The following SIPA1L2 variants were observed in gnomAD, a reference collection of about 807,000 sequenced individuals.
The protein encoded by SIPA1L2 is signal-induced proliferation-associated 1-like protein 2.
In SIPA1L2, 56 loss-of-function variants were observed where a neutral mutation model predicts 163.9. The observed-to-expected ratio is 0.34, with a 90% confidence interval of 0.28 to 0.43. SIPA1L2 has a LOEUF of 0.43. SIPA1L2 is among the 20% of genes least tolerant of loss of function. SIPA1L2 has a pLI of 1.00. For missense variants in SIPA1L2, 1,974 were observed against 2,193.5 expected, an observed-to-expected ratio of 0.90 and a Z score of 2.00; for synonymous variants, 877 against 865.7, an observed-to-expected ratio of 1.01 and a Z score of -0.23.
At chr1:232,537,296 G>A (rs1657366535) in intron 2 of SIPA1L2, among the ~76,000 whole-genome samples, 1 of 152,090 alleles carries the variant, frequency 6.6e-6, no homozygotes, top group East Asian at 1.9e-4. Flanking sequence ...CAAGCAATTT[G>A]TAAATACAGA....
At chr1:232,481,534 A>T (rs1400216303) in intron 6 of SIPA1L2, among the ~76,000 whole-genome samples, 1 of 152,194 alleles carries the variant, frequency 6.6e-6, no homozygotes, top group Non-Finnish European at 1.5e-5. Flanking sequence ...CTAAAAGAGG[A>T]ATTTCTAAAA....
chr1:232,500,720 C>T (rs753711176), intron 3 of SIPA1L2, among the ~76,000 whole-genome samples: 13 of 152,156 alleles, frequency 8.5e-5, no homozygotes, highest in African/African-American at 1.2e-4. Context: ...ATGCTGTGAA[C>T]GTTGTTGAAA....
chr1:232,479,675 C>A lies in SIPA1L2; in HGVS notation c.2037G>T (p.Met679Ile). 6.2e-7 allele frequency: 1 copy of A among 1,613,774 alleles called. No homozygotes were observed. The highest frequency in any genetic ancestry group is 8.5e-7 in the Non-Finnish European group (1 of 1,179,800). The change falls in exon 7 of 23, where the codon ATG (methionine) becomes ATT (isoleucine). Residue 679 changes from methionine (M) to isoleucine (I), a missense_variant. Physicochemically the swap from Met to Ile is conservative, Grantham distance 10. Around this residue, in one of 3 missense-constraint regions of SIPA1L2, gnomAD observed 288 missense variants for 418.9 expected, o/e 0.69. Transcript: ENST00000674635. ...LYTTYKDYEL[M>I]FHVSTLLPYM... Reference sequence around the variant, plus strand: ...AGGGAAGCAGGGTTGACACGTGGAACATGAGTTCGTAGTCTTTGTATGTGG... The same window carrying A: ...AGGGAAGCAGGGTTGACACGTGGAAAATGAGTTCGTAGTCTTTGTATGTGG...
intron 2 of SIPA1L2, among the ~76,000 whole-genome samples, chr1:232,548,292 G>GT (rs1658163613): frequency 6.6e-6 from 1 of 152,138 alleles, no homozygotes; most frequent in Non-Finnish European, 1.5e-5. Context: ...TGCAGGCTTG[G>GT]TATGATAAGC....
chr1:232,482,792 G>C (rs1665429907), intron 6 of SIPA1L2, among the ~76,000 whole-genome samples: 1 of 152,182 alleles, frequency 6.6e-6, no homozygotes, highest in Non-Finnish European at 1.5e-5. Context: ...AAGGCAGGAA[G>C]ACACGGCATC....
intron 2 of SIPA1L2, among the ~76,000 whole-genome samples, chr1:232,550,836 A>T (rs1256393558): frequency 6.6e-6 from 1 of 152,228 alleles, no homozygotes; most frequent in Non-Finnish European, 1.5e-5. Flanking sequence ...CTATTAAAAT[A>T]TTCAAGAATA....
In SIPA1L2 at chr1:232,514,709, T is replaced by C. The variant is rs1400107335; in HGVS notation, c.631A>G (p.Met211Val). The C allele has an allele frequency of 6.2e-6, 10 of 1,614,150 alleles. No individual in the cohort carries two copies. The highest frequency in any genetic ancestry group is 1.7e-5 in the Admixed American group (1 of 60,014). ...TTTTCTACTCGGTACCCTCTGAGCA[T>C]AGCAAAAAAGTTTTCACCAGATAAG... Reference protein sequence around the residue: ...QGLSGENFFAMLRGYRVENYD... With the variant: ...QGLSGENFFAVLRGYRVENYD... Residue 211 changes from methionine to valine, a missense_variant, in exon 3 of 23, where the codon ATG (methionine) becomes GTG (valine). Met to Val is a conservative substitution (Grantham distance 21). Around this residue, in one of 3 missense-constraint regions of SIPA1L2, gnomAD observed 607 missense variants for 624.0 expected, o/e 0.97. Coordinates refer to ENST00000674635, the MANE Select transcript of SIPA1L2 (RefSeq NM_020808.5).
chr1:232,455,214 C>T (rs1300622066), intron 10 of SIPA1L2, among the ~76,000 whole-genome samples: 1 of 152,212 alleles, frequency 6.6e-6, no homozygotes, highest in Non-Finnish European at 1.5e-5. Flanking sequence ...AAATTCAATA[C>T]TGGAGCGTCC....
At chr1:232,417,279 C>T (rs16857045) in intron 18 of SIPA1L2, among the ~76,000 whole-genome samples, 1,752 of 152,234 alleles carry the variant, frequency 0.012, 31 homozygotes, top group African/African-American at 0.04. Flanking sequence ...GTTACAGCTA[C>T]GCCAATTTTC....
intron 18 of SIPA1L2, among the ~76,000 whole-genome samples, chr1:232,419,177 G>T (rs1661428110): frequency 1.3e-5 from 2 of 152,080 alleles, no homozygotes; most frequent in African/African-American, 4.8e-5. Flanking sequence ...GCATAGTTTA[G>T]GAATAAAAGC....
intron 10 of SIPA1L2, among the ~76,000 whole-genome samples, chr1:232,454,302 G>A (rs948667196): frequency 3.3e-5 from 5 of 152,114 alleles, no homozygotes; most frequent in East Asian, 1.9e-4. Flanking sequence ...AAAAGGTATC[G>A]TATGAAATAG....
At chr1:232,603,087 C>T (rs1466609364) in intron 1 of SIPA1L2, among the ~76,000 whole-genome samples, 2 of 152,202 alleles carry the variant, frequency 1.3e-5, no homozygotes, top group African/African-American at 4.8e-5. Flanking sequence ...CAACCAGACA[C>T]GTGGTATAAG....
chr1:232,421,655 T>G (rs1572872275), intron 18 of SIPA1L2, among the ~76,000 whole-genome samples: 1 of 152,160 alleles, frequency 6.6e-6, no homozygotes, highest in East Asian at 1.9e-4. Context: ...CCTCTGGTGG[T>G]TGGTAGTCCT....
chr1:232,540,733 G>A (rs1345193468), intron 2 of SIPA1L2, among the ~76,000 whole-genome samples: 7 of 152,104 alleles, frequency 4.6e-5, no homozygotes, highest in Admixed American at 2.0e-4. Flanking sequence ...GCAAGAGAGA[G>A]AGAGAAAGGA....
intron 16 of SIPA1L2, among the ~76,000 whole-genome samples, chr1:232,429,870 G>A (rs1452771373): frequency 1.3e-5 from 2 of 152,124 alleles, no homozygotes; most frequent in Admixed American, 6.5e-5. Flanking sequence ...GGAAAGATGC[G>A]GGGAAAAATC....
chr1:232,613,156 A>G (rs1247847739), intron 1 of SIPA1L2, among the ~76,000 whole-genome samples: 2 of 152,178 alleles, frequency 1.3e-5, no homozygotes, highest in Non-Finnish European at 2.9e-5. Context: ...TGTAAGTCCA[A>G]TTAAACCTCT....
intron 19 of SIPA1L2, among the ~76,000 whole-genome samples, chr1:232,406,020 A>G (rs1003847810): frequency 2.0e-5 from 3 of 152,210 alleles, no homozygotes; most frequent in Non-Finnish European, 4.4e-5. Flanking sequence ...TAATTTCACA[A>G]ACAGGATTTC....
At position 232,445,555 on chromosome 1, in the gene SIPA1L2, G is replaced by T; in HGVS notation, c.3327C>A (p.Phe1109Leu). ...AQAAIPRSTSFDRKLPDGTRS... is the reference protein window; with the variant it reads ...AQAAIPRSTSLDRKLPDGTRS... ...TCGTGCCATCGGGCAGCTTCCGGTC[G>T]AAGGAGGTGCTTCGAGGAATGGCAG... Residue 1109 changes from phenylalanine to leucine, a missense_variant, in exon 11 of 23, where the codon TTC becomes TTA. Around this residue, in one of 3 missense-constraint regions of SIPA1L2, gnomAD observed 1,079 missense variants for 1,150.7 expected, o/e 0.94. Transcript: ENST00000674635. 1.2e-6 allele frequency: 2 copies of T among 1,613,932 alleles called. No homozygotes were observed. Among genetic ancestry groups the T allele is most frequent in the Non-Finnish European group, 1.7e-6 (2 of 1,179,932 alleles).
chr1:232,567,837 C>A (rs955782458), intron 2 of SIPA1L2, among the ~76,000 whole-genome samples: 2 of 152,170 alleles, frequency 1.3e-5, no homozygotes, highest in Non-Finnish European at 2.9e-5. Context: ...GACTTTCTGC[C>A]CCATCCCACA....
Sources: allele counts gnomAD v4.1 joint callset (sites outside exome capture counted in the v4.1 genomes callset), GRCh38; gene constraint gnomAD v4.1.1; regional missense constraint gnomAD v4.1.1; transcripts MANE v1.5; gene names NCBI Gene and HGNC (gene_info 2026-07-23, HGNC 2026-07-21).